The following C1QTNF3 variants were observed in gnomAD, a reference collection of about 807,000 sequenced individuals.
The protein encoded by C1QTNF3 is complement C1q tumor necrosis factor-related protein 3.
C1QTNF3 carries 26 observed loss-of-function variants against 32.6 expected under a neutral mutation model. The observed-to-expected ratio is 0.80, with a 90% CI of 0.58 to 1.11. The LOEUF (loss-of-function observed/expected upper bound fraction) is 1.11, where lower values mean the gene tolerates loss of function less well. Ranked by LOEUF, C1QTNF3 falls within the 50% of genes least tolerant of loss-of-function variation. The pLI is 0.00. For missense variants in C1QTNF3, 362 were observed against 398.2 expected (o/e 0.91, Z 0.77); for synonymous variants, 155 against 146.0 (o/e 1.06, Z -0.44).
the C1QTNF3 span, among the ~76,000 whole-genome samples, chr5:34,125,004 A>G: frequency 6.6e-6 from 1 of 152,178 alleles, no homozygotes; most frequent in Admixed American, 6.5e-5. Context: ...CCTCACCTCT[A>G]TCCTTTCTGA....
At chr5:34,125,885 G>GGCTTT in the C1QTNF3 span, among the ~76,000 whole-genome samples, 1 of 152,018 alleles carries the variant, frequency 6.6e-6, no homozygotes, top group Admixed American at 6.6e-5. Flanking sequence ...TTTTATTATA[G>GGCTTT]GCTTTTTCCA....
At chr5:34,229,631 T>G in the C1QTNF3 span, among the ~76,000 whole-genome samples, 1 of 152,182 alleles carries the variant, frequency 6.6e-6, no homozygotes, top group Middle Eastern at 3.2e-3. Flanking sequence ...TAAGATTCTT[T>G]ACATGTAGAA....
chr5:34,175,264 C>T, the C1QTNF3 span, among the ~76,000 whole-genome samples: 5 of 151,922 alleles, frequency 3.3e-5, no homozygotes, highest in African/African-American at 9.7e-5. Context: ...AGGCTGGTCT[C>T]GAACTCCTGG....
chr5:34,058,849 C>A, the C1QTNF3 span, among the ~76,000 whole-genome samples: 1 of 152,118 alleles, frequency 6.6e-6, no homozygotes, highest in African/African-American at 2.4e-5. Context: ...GAGAGGACAC[C>A]CTTTACAGCA....
At chr5:34,118,884 T>C in the C1QTNF3 span, among the ~76,000 whole-genome samples, 5,422 of 152,182 alleles carry the variant, frequency 0.036, 144 homozygotes, top group Non-Finnish European at 0.052. Context: ...TTTCTTAGTG[T>C]TCACTATCTC....
the C1QTNF3 span, among the ~76,000 whole-genome samples, chr5:34,121,530 C>T: frequency 1.3e-5 from 2 of 152,118 alleles, no homozygotes; most frequent in Admixed American, 6.6e-5. Flanking sequence ...ATCATGAGAA[C>T]ACTATGAAGA....
chr5:34,048,097 C>G (rs1196509158), upstream of C1QTNF3, among the ~76,000 whole-genome samples: 1 of 152,142 alleles, frequency 6.6e-6, no homozygotes, highest in Non-Finnish European at 1.5e-5. Context: ...TTCAGAGACT[C>G]ATGTACAAAA....
chr5:34,183,369 C>T, the C1QTNF3 span, among the ~76,000 whole-genome samples: 1 of 111,896 alleles, frequency 8.9e-6, no homozygotes. Context: ...CTCACTCTGT[C>T]ACCCAGGCTG....
At chr5:34,112,388 A>T in the C1QTNF3 span, among the ~76,000 whole-genome samples, 1 of 151,974 alleles carries the variant, frequency 6.6e-6, no homozygotes, top group African/African-American at 2.4e-5. Context: ...GGCAGGGTGC[A>T]GTGGCTCATA....
At chr5:34,105,622 T>C in the C1QTNF3 span, 15 of 152,250 alleles carry the variant, frequency 9.9e-5, no homozygotes, top group African/African-American at 3.1e-4. Flanking sequence ...CAGATGTAAA[T>C]TGAGCTTTGG....
chr5:34,166,823 G>A, the C1QTNF3 span: 1 of 151,646 alleles, frequency 6.6e-6, no homozygotes, highest in Non-Finnish European at 1.5e-5. Context: ...GTTATGATCG[G>A]TTACTTGGGT....
At chr5:34,129,434 GGAATGAA>G in the C1QTNF3 span, among the ~76,000 whole-genome samples, 5 of 152,160 alleles carry the variant, frequency 3.3e-5, no homozygotes, top group African/African-American at 1.2e-4. Context: ...AGGAGTGAGA[GGAATGAA>G]GAGATATTGT....
chr5:34,020,320 A>T lies in C1QTNF3; in HGVS notation c.*263T>A. 2.9e-6 allele frequency: 1 copy of T among 350,376 alleles called. No homozygotes were observed. The highest frequency in any genetic ancestry group is 5.1e-6 in the Non-Finnish European group (1 of 194,244). The allele number at this position is 350,376 out of a possible 1,614,324, so 21.7% of individuals were successfully genotyped here. ...TATTTCCAACCTGCGTCAGAGGAGA[A>T]TTATCTTTTAGGTGCCAAGGAAAGA... On this transcript the variant is annotated 3_prime_UTR_variant, in exon 6 of 6. Transcript: ENST00000382065.
the C1QTNF3 span, among the ~76,000 whole-genome samples, chr5:34,090,728 A>G: frequency 2.0e-5 from 3 of 152,214 alleles, no homozygotes; most frequent in South Asian, 4.2e-4. Context: ...GCCCTTATAA[A>G]AGAGACTTCA....
the C1QTNF3 span, among the ~76,000 whole-genome samples, chr5:34,093,117 T>A: frequency 6.6e-6 from 1 of 151,696 alleles, no homozygotes; most frequent in African/African-American, 2.4e-5. Context: ...TTTGCACTAT[T>A]TTTTCTTCCA....
At chr5:34,129,909 T>C in the C1QTNF3 span, among the ~76,000 whole-genome samples, 1 of 152,084 alleles carries the variant, frequency 6.6e-6, no homozygotes, top group Non-Finnish European at 1.5e-5. Context: ...TTTTCATGCA[T>C]AACATTTTTT....
At chr5:34,220,122 G>A in the C1QTNF3 span, among the ~76,000 whole-genome samples, 3 of 152,032 alleles carry the variant, frequency 2.0e-5, no homozygotes, top group African/African-American at 7.2e-5. Flanking sequence ...TAGTCCTACG[G>A]TTAACAAGAT....
chr5:34,221,323 C>T, the C1QTNF3 span, among the ~76,000 whole-genome samples: 2 of 152,024 alleles, frequency 1.3e-5, no homozygotes, highest in African/African-American at 2.4e-5. Context: ...CATGCAAATA[C>T]ATACGGCTGT....
chr5:34,148,066 T>A, the C1QTNF3 span, among the ~76,000 whole-genome samples: 3 of 151,502 alleles, frequency 2.0e-5, no homozygotes, highest in East Asian at 5.9e-4. Context: ...GTCAGGGAGT[T>A]CCCTTTCCGA....
Sources: gnomAD v4.1 joint callset for allele counts (sites outside exome capture counted in the v4.1 genomes callset) on GRCh38, gnomAD v4.1.1 for gene constraint, MANE v1.5 for transcripts, NCBI Gene and HGNC (gene_info 2026-07-23, HGNC 2026-07-21) for gene names.